SNTB1: variants seen among roughly 807,000 people sequenced by gnomAD.
SNTB1 encodes the protein syntrophin beta 1, also known as beta-1-syntrophin.
A neutral mutation model predicts 48.9 loss-of-function variants in SNTB1; 36 were observed. The observed-to-expected ratio is 0.74, with a 90% confidence interval of 0.56 to 0.97. The LOEUF (loss-of-function observed/expected upper bound fraction) is 0.97. SNTB1 is among the 50% of genes least tolerant of loss of function. The pLI is 0.00. For synonymous variants in SNTB1, 299 were observed against 294.6 expected (o/e 1.01, Z -0.15); for missense variants, 786 against 703.4 (o/e 1.12, Z -1.33).
chr8:120,787,056 A>C (rs546220694), intron 1 of SNTB1, among the ~76,000 whole-genome samples: 43 of 152,274 alleles, frequency 2.8e-4, no homozygotes, highest in Admixed American at 1.8e-3. Context: ...CTAACACATC[A>C]CTATTACAAA....
chr8:120,645,721 G>A (rs1449849490), intron 2 of SNTB1, among the ~76,000 whole-genome samples: 52 of 121,702 alleles, frequency 4.3e-4, no homozygotes, highest in African/African-American at 1.1e-3. Flanking sequence ...GTAGCTTGAT[G>A]GGGATGGCAT....
At chr8:120,680,637 C>T (rs1817915436) in intron 2 of SNTB1, among the ~76,000 whole-genome samples, 1 of 152,138 alleles carries the variant, frequency 6.6e-6, no homozygotes, top group South Asian at 2.1e-4. Flanking sequence ...AATCTCCAGG[C>T]TAGGTGATGC....
chr8:120,568,303 C>T lies in SNTB1; in HGVS notation c.1136+6783G>A, dbSNP rs937842244. On this transcript the variant is annotated intron_variant, in intron 4 of 6. Coordinates refer to ENST00000517992, the MANE Select transcript of SNTB1 (RefSeq NM_021021.4). The stretch of plus-strand genomic sequence containing the variant: ...TACTGCAATTCATTGGGAAGCTCAG[C>T]CTGGAGCTGCAAAGGGGCTACATCT... Among the ~76,000 whole-genome samples the T allele has an allele frequency of 6.6e-5, 10 of 152,110 alleles. 1 individual carries two copies. Among genetic ancestry groups the T allele is most frequent in the African/African-American group, 2.4e-4 (10 of 41,418 alleles).
intron 1 of SNTB1, among the ~76,000 whole-genome samples, chr8:120,784,688 G>A (rs1819892808): frequency 6.6e-6 from 1 of 152,198 alleles, no homozygotes; most frequent in Non-Finnish European, 1.5e-5. Flanking sequence ...TTTCCAAGAT[G>A]GTGGATTGGA....
At chr8:120,677,510 T>A (rs935836864) in intron 2 of SNTB1, among the ~76,000 whole-genome samples, 1 of 152,196 alleles carries the variant, frequency 6.6e-6, no homozygotes, top group East Asian at 1.9e-4. Flanking sequence ...ACTTTTCAAC[T>A]GAAAATACGA....
At chr8:120,681,673 G>C (rs1163617005) in intron 2 of SNTB1, among the ~76,000 whole-genome samples, 1 of 152,184 alleles carries the variant, frequency 6.6e-6, no homozygotes, top group African/African-American at 2.4e-5. Context: ...CCCAGGTAAA[G>C]CTTCTAAACA....
intron 1 of SNTB1, among the ~76,000 whole-genome samples, chr8:120,699,628 T>C (rs1343353263): frequency 2.6e-5 from 4 of 152,192 alleles, no homozygotes; most frequent in Admixed American, 2.6e-4. Context: ...CTCTTTCCTT[T>C]ATAAATTACC....
intron 1 of SNTB1, among the ~76,000 whole-genome samples, chr8:120,760,578 T>G (rs1819400933): frequency 1.3e-5 from 2 of 152,160 alleles, no homozygotes; most frequent in African/African-American, 4.8e-5. Flanking sequence ...GAGTTTTACC[T>G]GCTGAAGCTT....
rs190912469 is a variant in SNTB1, at chr8:120,754,907, C to T, written c.571+56366G>A. Among the ~76,000 whole-genome samples, 22 of 152,168 alleles carry T rather than the reference C, an allele frequency of 1.4e-4. No individual in the cohort carries two copies. The East Asian group carries it at 1.9e-3, about 13-fold the overall frequency. Reference sequence around the variant, plus strand: ...AGAGTTGTAAATGAGGAGGAAAAGACGACAAGCAAGATTATGAGTCAGCAG... The same window carrying T: ...AGAGTTGTAAATGAGGAGGAAAAGATGACAAGCAAGATTATGAGTCAGCAG... On this transcript the variant is annotated intron_variant, in intron 1 of 6. Coordinates refer to ENST00000517992, the MANE Select transcript of SNTB1 (RefSeq NM_021021.4).
intron 1 of SNTB1, among the ~76,000 whole-genome samples, chr8:120,722,620 T>A (rs1288466630): frequency 6.6e-6 from 1 of 152,228 alleles, no homozygotes; most frequent in African/African-American, 2.4e-5. Context: ...TTGTTTAAGT[T>A]CTTTGTAGAT....
chr8:120,581,298 G>C (rs1816045533), intron 3 of SNTB1, among the ~76,000 whole-genome samples: 1 of 152,110 alleles, frequency 6.6e-6, no homozygotes, highest in African/African-American at 2.4e-5. Flanking sequence ...CTGAATTCAA[G>C]ATTGGTGTCA....
intron 1 of SNTB1, among the ~76,000 whole-genome samples, chr8:120,749,765 G>A (rs554557313): frequency 1.4e-4 from 21 of 152,058 alleles, no homozygotes; most frequent in African/African-American, 5.1e-4. Context: ...CAATATGTGG[G>A]TTGGCTTGAA....
chr8:120,713,522 G>A (rs1224586933), intron 1 of SNTB1, among the ~76,000 whole-genome samples: 2 of 152,154 alleles, frequency 1.3e-5, no homozygotes, highest in Non-Finnish European at 2.9e-5. Flanking sequence ...GCGAGGTCAG[G>A]AGTTCAAGAC....
intron 3 of SNTB1, among the ~76,000 whole-genome samples, chr8:120,576,373 A>C (rs1815951072): frequency 6.6e-6 from 1 of 152,240 alleles, no homozygotes; most frequent in South Asian, 2.1e-4. Context: ...TTCTAGTCTT[A>C]TTATTACTTT....
At chr8:120,608,528 C>T (rs1816564081) in intron 3 of SNTB1, among the ~76,000 whole-genome samples, 1 of 152,198 alleles carries the variant, frequency 6.6e-6, no homozygotes, top group African/African-American at 2.4e-5. Flanking sequence ...CGGCCATCTA[C>T]AAGCCAGGGG....
chr8:120,714,352 T>G (rs1818520395), intron 1 of SNTB1, among the ~76,000 whole-genome samples: 1 of 152,144 alleles, frequency 6.6e-6, no homozygotes, highest in African/African-American at 2.4e-5. Flanking sequence ...TGAAATTCAG[T>G]TTTCCCAAGA....
rs115869559 is a variant in SNTB1 at position 120,761,725 on chromosome 8, G to A, written c.571+49548C>T. ...GTGATCATCAGGTAGATGCCAGCTG[G>A]AAGAAAACTGCTTTTTTCAGTCATC... On this transcript the variant is annotated intron_variant, in intron 1 of 6. Transcript: ENST00000517992. 7.8e-3 allele frequency among the ~76,000 whole-genome samples: 1,194 copies of A among 152,290 alleles called. 21 individuals carry two copies. The highest frequency in any genetic ancestry group is 0.028 in the African/African-American group (1,146 of 41,568).
intron 1 of SNTB1, among the ~76,000 whole-genome samples, chr8:120,697,435 G>A (rs1177925472): frequency 6.6e-6 from 1 of 152,092 alleles, no homozygotes; most frequent in Non-Finnish European, 1.5e-5. Flanking sequence ...CTGTCCATGA[G>A]GTATAATAAG....
intron 1 of SNTB1, among the ~76,000 whole-genome samples, chr8:120,783,603 C>T (rs1563601036): frequency 6.6e-6 from 1 of 152,064 alleles, no homozygotes; most frequent in Non-Finnish European, 1.5e-5. Flanking sequence ...CCTGGCTTTC[C>T]CCTGAAAATA....
Sources: allele counts gnomAD v4.1 joint callset (sites outside exome capture counted in the v4.1 genomes callset), GRCh38; gene constraint gnomAD v4.1.1; transcripts MANE v1.5; gene names NCBI Gene and HGNC (gene_info 2026-07-23, HGNC 2026-07-21).